The following ARIH2 variants were observed in gnomAD, a reference collection of about 807,000 sequenced individuals.
ARIH2 encodes ariadne RBR E3 ubiquitin protein ligase 2, also known as E3 ubiquitin-protein ligase ARIH2.
Under a neutral mutation model 79.8 loss-of-function variants are expected in ARIH2, and 12 were observed. The ratio of observed to expected loss-of-function variants is 0.15; its 90% CI spans 0.10 to 0.24. The LOEUF is 0.24. Among genes scored for constraint, ARIH2 ranks in the 10% least tolerant of loss-of-function variants. The pLI, the probability that ARIH2 is intolerant of heterozygous loss-of-function variation, is 1.00. For synonymous variants in ARIH2, 224 were observed against 213.9 expected (o/e 1.05, Z -0.41); for missense variants, 301 against 618.3 (o/e 0.49, Z 5.44).
At chr3:48,951,747 C>T (rs2089986218) in intron 3 of ARIH2, among the ~76,000 whole-genome samples, 4 of 152,054 alleles carry the variant, frequency 2.6e-5, no homozygotes, top group Non-Finnish European at 4.4e-5. Flanking sequence ...CCTTTAATGT[C>T]TATAAGAATT....
At chr3:48,946,791 G>C (rs966981411) in intron 3 of ARIH2, among the ~76,000 whole-genome samples, 5 of 152,070 alleles carry the variant, frequency 3.3e-5, no homozygotes, top group Non-Finnish European at 5.9e-5. Flanking sequence ...AGCATGGGCT[G>C]CGCTTGGTCT....
At chr3:48,949,828 T>TA (rs2089720572) in intron 3 of ARIH2, among the ~76,000 whole-genome samples, 2 of 152,100 alleles carry the variant, frequency 1.3e-5, no homozygotes, top group Non-Finnish European at 2.9e-5. Flanking sequence ...CTTTTTTTTT[T>TA]AATCTTTTTT....
At chr3:48,929,000 G>C (rs920029805) in intron 3 of ARIH2, among the ~76,000 whole-genome samples, 11 of 152,156 alleles carry the variant, frequency 7.2e-5, no homozygotes, top group African/African-American at 2.4e-4. Flanking sequence ...TTCCCTGGTA[G>C]AAAACAATAA....
At chr3:48,980,172 A>G in intron 12 of ARIH2, 181 bp from the exon 13 acceptor site, 1 of 573,588 alleles carries the variant, frequency 1.7e-6, no homozygotes. Context: ...CAGTAAGCAT[A>G]CAGCTGCTCT....
At chr3:48,943,569 A>G (rs1185567687) in intron 3 of ARIH2, 1 of 151,924 alleles carries the variant, frequency 6.6e-6, no homozygotes, top group African/African-American at 2.4e-5. Flanking sequence ...GCAGAGAAGG[A>G]ATCCGTCAAA....
intron 2 of ARIH2, among the ~76,000 whole-genome samples, chr3:48,926,242 C>CGTGTGTGTGT (rs34080246): frequency 4.9e-4 from 72 of 148,148 alleles, no homozygotes; most frequent in African/African-American, 1.5e-3. Flanking sequence ...GAGTTTCCCT[C>CGTGTGTGTGT]GTGTGTGTGT....
chr3:48,920,200 T>C (rs928438613), intron 1 of ARIH2, among the ~76,000 whole-genome samples: 2 of 152,024 alleles, frequency 1.3e-5, no homozygotes, highest in African/African-American at 4.8e-5. Flanking sequence ...AAGCTGGTCT[T>C]GAACTGCTGG....
chr3:48,944,950 G>A (rs2088907179), intron 3 of ARIH2: 1 of 419,560 alleles, frequency 2.4e-6, no homozygotes, highest in Non-Finnish European at 4.5e-6. Context: ...CTGGCCCACA[G>A]TTCACTACCT....
Position 48,955,090 on chromosome 3 carries a change from TG to T in ARIH2, c.256-6519del, listed in dbSNP as rs758580346. On this transcript the variant is annotated intron_variant, in intron 3 of 15. Coordinates refer to ENST00000356401, the MANE Select transcript of ARIH2 (RefSeq NM_006321.4). ...TTGAGTGCCTGTAATCCCAGCTACT[TG>T]GGAGGCTGAGGCAGGAGAATCACTT... Among the ~76,000 whole-genome samples the T allele has an allele frequency of 4.6e-5, 7 of 152,104 alleles. No homozygotes were observed. The East Asian group carries it at 9.7e-4, about 21-fold the overall frequency.
At chr3:48,929,220 T>C (rs2086045897) in intron 3 of ARIH2, among the ~76,000 whole-genome samples, 1 of 152,172 alleles carries the variant, frequency 6.6e-6, no homozygotes, top group Admixed American at 6.5e-5. Flanking sequence ...TTCATGAGGA[T>C]GTTCCTGTCT....
At chr3:48,965,277 G>A (rs578042109) in intron 5 of ARIH2, among the ~76,000 whole-genome samples, 4 of 152,034 alleles carry the variant, frequency 2.6e-5, no homozygotes, top group East Asian at 1.9e-4. Context: ...GGAGAAAGGC[G>A]TGAACCCGGG....
intron 3 of ARIH2, among the ~76,000 whole-genome samples, chr3:48,929,996 A>T (rs528651056): frequency 6.6e-6 from 1 of 152,374 alleles, no homozygotes; most frequent in Non-Finnish European, 1.5e-5. Context: ...AGGGTTAAAG[A>T]GAAAATGGAG....
intron 3 of ARIH2, among the ~76,000 whole-genome samples, chr3:48,936,274 G>A (rs1192445095): frequency 6.6e-6 from 1 of 152,062 alleles, no homozygotes; most frequent in African/African-American, 2.4e-5. Context: ...AAAGAGGGAA[G>A]AATTGTAGGA....
rs1350189874 is a variant in ARIH2 at position 48,967,605 on chromosome 3, TG to T, written c.538+331del. Among the ~76,000 whole-genome samples, 77 of 152,230 alleles carry T rather than the reference TG, an allele frequency of 5.1e-4. 1 individual carries two copies. The highest frequency in any genetic ancestry group is 5.0e-3 in the Admixed American group (77 of 15,284). ...CTCAGAAATGCCCACAAGAGTTTGC[TG>T]CTATTTAGGTAACATAGCACAAATC... On this transcript the variant is annotated intron_variant, in intron 6 of 15. Coordinates refer to ENST00000356401, the MANE Select transcript of ARIH2 (RefSeq NM_006321.4).
chr3:48,967,130 C>A lies in ARIH2; in HGVS notation c.393C>A (p.Pro131=). The change falls in exon 6 of 16, where the codon CCC becomes CCA. Residue 131 remains proline, a synonymous_variant. Coordinates refer to ENST00000356401, the MANE Select transcript of ARIH2 (RefSeq NM_006321.4). ...RVQPNPSKHV[P]TSHPPHHCAV... Reference sequence around the variant, plus strand: ...GTGGCTCTGTTTCTCTCCAGGTTCCCACATCCCATCCCCCTCACCACTGTG... The same window carrying A: ...GTGGCTCTGTTTCTCTCCAGGTTCCAACATCCCATCCCCCTCACCACTGTG... The A allele has an allele frequency of 1.2e-6, 2 of 1,613,632 alleles. No individual in the cohort carries two copies. Among genetic ancestry groups the A allele is most frequent in the Non-Finnish European group, 1.7e-6 (2 of 1,179,690 alleles).
intron 3 of ARIH2, among the ~76,000 whole-genome samples, chr3:48,936,323 C>T (rs530339615): frequency 6.6e-6 from 1 of 152,186 alleles, no homozygotes; most frequent in South Asian, 2.1e-4. Flanking sequence ...GTATTTTGCT[C>T]CTCCTGAAAT....
intron 1 of ARIH2, chr3:48,919,293 G>T: frequency 1.0e-6 from 1 of 995,370 alleles, no homozygotes; most frequent in Non-Finnish European, 1.3e-6. Flanking sequence ...GTCTGGCGCG[G>T]CGGGGAAACG....
intron 3 of ARIH2, chr3:48,934,384 A>G (rs1347265720): frequency 2.4e-5 from 23 of 965,170 alleles, no homozygotes; most frequent in Non-Finnish European, 2.8e-5. Context: ...AGATCATTCT[A>G]TTTTTATTTA....
At chr3:48,931,801 G>A (rs549078634) in intron 3 of ARIH2, among the ~76,000 whole-genome samples, 1 of 152,234 alleles carries the variant, frequency 6.6e-6, no homozygotes, top group East Asian at 1.9e-4. Context: ...TGGATCACGA[G>A]GTCAGGAGAG....
Sources: gnomAD v4.1 joint callset for allele counts (sites outside exome capture counted in the v4.1 genomes callset) on GRCh38, gnomAD v4.1.1 for gene constraint, MANE v1.5 for transcripts, NCBI Gene and HGNC (gene_info 2026-07-23, HGNC 2026-07-21) for gene names.